CRPPA: variants seen among roughly 807,000 people sequenced by gnomAD.
CRPPA encodes D-ribitol-5-phosphate cytidylyltransferase.
A neutral mutation model predicts 52.0 loss-of-function variants in CRPPA; 43 were observed. That is an observed-to-expected ratio of 0.83 (90% CI 0.65 to 1.07). CRPPA has a LOEUF of 1.07. Ranked by LOEUF, CRPPA falls within the 50% of genes least tolerant of loss-of-function variation. The probability of loss-of-function intolerance (pLI) is 0.00; values close to 1 mark genes in which losing one functional copy is unlikely to be tolerated. For synonymous variants in CRPPA, 250 were observed against 203.5 expected (o/e 1.23, Z -1.94); for missense variants, 629 against 551.7 (o/e 1.14, Z -1.40).
At chr7:16,394,276 G>C (rs780713261) in intron 2 of CRPPA, among the ~76,000 whole-genome samples, 16 of 152,146 alleles carry the variant, frequency 1.1e-4, no homozygotes, top group Non-Finnish European at 2.2e-4. Context: ...GGTATATACA[G>C]TAGTGATTAC....
chr7:16,161,226 T>C (rs1352555420), intron 9 of CRPPA, among the ~76,000 whole-genome samples: 1 of 152,196 alleles, frequency 6.6e-6, no homozygotes, highest in Non-Finnish European at 1.5e-5. Context: ...CTATGCTGAA[T>C]AGGAGTGGTG....
intron 3 of CRPPA, among the ~76,000 whole-genome samples, chr7:16,335,154 CAAAAAA>C (rs60632334): frequency 1.1e-5 from 1 of 93,790 alleles, no homozygotes; most frequent in South Asian, 4.6e-4. Flanking sequence ...CCCATCTCTA[CAAAAAA>C]AAAAAAAAAA....
At chr7:16,201,126 C>T (rs762306331) in intron 9 of CRPPA, among the ~76,000 whole-genome samples, 3 of 152,210 alleles carry the variant, frequency 2.0e-5, no homozygotes, top group Non-Finnish European at 4.4e-5. Flanking sequence ...GGTACACACA[C>T]ACACCATTTA....
Position 16,421,281 on chromosome 7 carries a change from C to A in CRPPA, c.42G>T (p.Pro14=), listed in dbSNP as rs1332918116. ...GPPGSARPAE[P]GPCLSGQRGA... ...CGCGCTGACCACTCAGGCAAGGACC[C>A]GGCTCCGCCGGCCTGGCGCTGCCCG... The change falls in exon 1 of 10, where the codon CCG becomes CCT. Residue 14 remains proline, a synonymous_variant. Coordinates refer to ENST00000407010, the MANE Select transcript of CRPPA (RefSeq NM_001101426.4). 15 of 1,278,812 alleles carry A rather than the reference C, an allele frequency of 1.2e-5. No homozygotes were observed. The African/African-American group carries it at 1.9e-4, about 16-fold the overall frequency. The allele number at this position is 1,278,812 out of a possible 1,614,324, so 79.2% of individuals were successfully genotyped here.
intron 2 of CRPPA, among the ~76,000 whole-genome samples, chr7:16,391,439 A>G (rs991415771): frequency 1.3e-5 from 2 of 151,766 alleles, no homozygotes; most frequent in Non-Finnish European, 2.9e-5. Context: ...TATCTCTTTC[A>G]CTCTTGTCCT....
intron 8 of CRPPA, among the ~76,000 whole-genome samples, chr7:16,247,364 C>G (rs1452873465): frequency 6.6e-6 from 1 of 152,076 alleles, no homozygotes; most frequent in African/African-American, 2.4e-5. Context: ...ATTAATTGGC[C>G]TGATTTCAGT....
intron 6 of CRPPA, among the ~76,000 whole-genome samples, chr7:16,277,757 T>C (rs576189431): frequency 2.0e-5 from 3 of 152,276 alleles, no homozygotes; most frequent in South Asian, 4.1e-4. Flanking sequence ...TGTCTCTTAT[T>C]TCCCCCTCCC....
chr7:16,345,971 G>A (rs68127194), intron 3 of CRPPA, among the ~76,000 whole-genome samples: 34,495 of 152,016 alleles, frequency 0.23, 4,265 homozygotes, highest in Non-Finnish European at 0.29. Flanking sequence ...TCAAAGTCTC[G>A]TTGTAGACGT....
At chr7:16,139,195 C>T (rs1390477366) in intron 9 of CRPPA, among the ~76,000 whole-genome samples, 4 of 152,138 alleles carry the variant, frequency 2.6e-5, no homozygotes, top group Admixed American at 6.5e-5. Flanking sequence ...AGGAATCCAA[C>T]GAGGTGGAAA....
chr7:16,235,334 G>A (rs1007172508), intron 8 of CRPPA, among the ~76,000 whole-genome samples: 3 of 152,004 alleles, frequency 2.0e-5, no homozygotes, highest in Non-Finnish European at 2.9e-5. Flanking sequence ...ACTTTAAATC[G>A]TGAGGCTTCA....
intron 9 of CRPPA, among the ~76,000 whole-genome samples, chr7:16,102,265 T>G (rs1036212653): frequency 6.6e-6 from 1 of 152,164 alleles, no homozygotes; most frequent in African/African-American, 2.4e-5. Flanking sequence ...TACAGAAAAC[T>G]GAAACTGGAC....
At chr7:16,231,683 T>C (rs1782800624) in intron 8 of CRPPA, among the ~76,000 whole-genome samples, 1 of 148,306 alleles carries the variant, frequency 6.7e-6, no homozygotes, top group South Asian at 2.1e-4. Flanking sequence ...TGGATGAATA[T>C]TAAATGTGTA....
chr7:16,116,411 T>A (rs1170699177), intron 9 of CRPPA, among the ~76,000 whole-genome samples: 1 of 152,046 alleles, frequency 6.6e-6, no homozygotes, highest in African/African-American at 2.4e-5. Flanking sequence ...ACATCTGTAA[T>A]CCCAGCAATT....
intron 3 of CRPPA, among the ~76,000 whole-genome samples, chr7:16,309,208 G>C (rs994861642): frequency 2.0e-5 from 3 of 151,944 alleles, no homozygotes; most frequent in Non-Finnish European, 4.4e-5. Flanking sequence ...AACATTTTTT[G>C]GCATTTTAAG....
intron 2 of CRPPA, among the ~76,000 whole-genome samples, chr7:16,383,618 C>T (rs564889414): frequency 6.6e-6 from 1 of 152,344 alleles, no homozygotes; most frequent in South Asian, 2.1e-4. Flanking sequence ...CAGAGGCAGG[C>T]AGGCCTCCTT....
intron 8 of CRPPA, among the ~76,000 whole-genome samples, chr7:16,235,425 C>A (rs1299110312): frequency 6.6e-6 from 1 of 152,020 alleles, no homozygotes; most frequent in Non-Finnish European, 1.5e-5. Flanking sequence ...CAAACTAGGT[C>A]ATTTCAGATT....
intron 4 of CRPPA, among the ~76,000 whole-genome samples, chr7:16,304,315 T>G (rs1859422): frequency 6.6e-6 from 1 of 151,282 alleles, no homozygotes; most frequent in Non-Finnish European, 1.5e-5. Context: ...CTGCATGGTG[T>G]GTTGAAAGAA....
chr7:16,342,971 T>G (rs1302541763), intron 3 of CRPPA, among the ~76,000 whole-genome samples: 1 of 145,584 alleles, frequency 6.9e-6, no homozygotes, highest in East Asian at 2.0e-4. Flanking sequence ...GCCTGGGAGG[T>G]AGAAGTTGCA....
intron 3 of CRPPA, among the ~76,000 whole-genome samples, chr7:16,348,843 T>C (rs993823300): frequency 6.6e-6 from 1 of 152,158 alleles, no homozygotes; most frequent in Non-Finnish European, 1.5e-5. Flanking sequence ...AGTTTATCCA[T>C]GCACCAAGTG....
Sources: gnomAD v4.1 joint callset for allele counts (sites outside exome capture counted in the v4.1 genomes callset) on GRCh38, gnomAD v4.1.1 for gene constraint, MANE v1.5 for transcripts, NCBI Gene and HGNC (gene_info 2026-07-23, HGNC 2026-07-21) for gene names.